CALCOCO2: variants seen among roughly 807,000 people sequenced by gnomAD.
The protein encoded by CALCOCO2 is calcium-binding and coiled-coil domain-containing protein 2.
CALCOCO2 carries 42 observed loss-of-function variants against 62.5 expected under a neutral mutation model. That is an observed-to-expected ratio of 0.67 (90% CI 0.53 to 0.87). CALCOCO2 has a LOEUF of 0.87. Ranked by LOEUF, CALCOCO2 falls within the 40% of genes least tolerant of loss-of-function variation. The pLI is 0.00. For missense variants in CALCOCO2, 456 were observed against 515.0 expected, an observed-to-expected ratio of 0.89 and a Z score of 1.11; for synonymous variants, 167 against 173.0, an observed-to-expected ratio of 0.97 and a Z score of 0.27.
chr17:48,858,046 A>ATATAGAATAGAATAG, intron 10 of CALCOCO2, among the ~76,000 whole-genome samples: 1 of 40,038 alleles, frequency 2.5e-5, no homozygotes, highest in African/African-American at 9.3e-5. Context: ...ATAGAATAGA[A>ATATAGAATAGAATAG]AATAGAATAG....
At chr17:48,838,549 C>G (rs903029331) in intron 1 of CALCOCO2, among the ~76,000 whole-genome samples, 1 of 151,870 alleles carries the variant, frequency 6.6e-6, no homozygotes, top group Non-Finnish European at 1.5e-5. Context: ...CCTGTGTCTA[C>G]TAAAAATTCA....
chr17:48,858,901 C>T (rs1428631847), intron 10 of CALCOCO2, among the ~76,000 whole-genome samples: 1 of 151,430 alleles, frequency 6.6e-6, no homozygotes, highest in Non-Finnish European at 1.5e-5. Flanking sequence ...AAAAAGTAGC[C>T]AGGTGTGGTG....
chr17:48,831,602 G>A (rs1478326961), intron 1 of CALCOCO2: 1 of 152,262 alleles, frequency 6.6e-6, no homozygotes, highest in Non-Finnish European at 1.5e-5. Flanking sequence ...GCAGCTGTCG[G>A]AGAAGACGTT....
intron 9 of CALCOCO2, among the ~76,000 whole-genome samples, chr17:48,855,268 GGAAGTGA>G (rs2040198096): frequency 6.6e-6 from 1 of 152,136 alleles, no homozygotes; most frequent in South Asian, 2.1e-4. Context: ...TGCCTTTTGA[GGAAGTGA>G]AGCAGGACTA....
At chr17:48,852,454 G>C (rs2040147458) in intron 7 of CALCOCO2, 52 bp from the exon 8 acceptor site, 1 of 1,541,178 alleles carries the variant, frequency 6.5e-7, no homozygotes. Flanking sequence ...CATTGTTCCT[G>C]TTTTGTTTTC....
At position 48,845,728 on chromosome 17, in the gene CALCOCO2, C is replaced by CAAA. The variant is rs534937285; in HGVS notation, c.181-2322_181-2320dup. 3.1e-3 allele frequency among the ~76,000 whole-genome samples: 331 copies of CAAA among 107,746 alleles called. 8 individuals are homozygous for CAAA. The highest frequency in any genetic ancestry group is 4.9e-3 in the Non-Finnish European group (266 of 54,200). The allele number at this position is 107,746 out of a possible 152,430, so 70.7% of individuals were successfully genotyped here. ...TGGGCAACAGAGCGAGACTCCATCTCAAAAAAAAAAAAAAAAGAAAAGAAA... is the reference window on the plus strand; with the variant it reads ...TGGGCAACAGAGCGAGACTCCATCTCAAAAAAAAAAAAAAAAAAAGAAAAGAAA... On this transcript the variant is annotated intron_variant, in intron 2 of 12. Coordinates refer to ENST00000258947, the MANE Select transcript of CALCOCO2 (RefSeq NM_005831.5).
intron 1 of CALCOCO2, among the ~76,000 whole-genome samples, chr17:48,836,977 T>C (rs2039902360): frequency 6.6e-6 from 1 of 152,166 alleles, no homozygotes; most frequent in African/African-American, 2.4e-5. Context: ...GCCAGCCTGC[T>C]CTTGAACTCC....
chr17:48,858,143 G>A (rs183360779), intron 10 of CALCOCO2, among the ~76,000 whole-genome samples: 83 of 151,556 alleles, frequency 5.5e-4, no homozygotes, highest in Non-Finnish European at 9.7e-4. Context: ...CTATGCAACA[G>A]ATCTCCAGAA....
chr17:48,843,089 G>T (rs2039997382), intron 2 of CALCOCO2, among the ~76,000 whole-genome samples: 3 of 152,142 alleles, frequency 2.0e-5, no homozygotes. Context: ...TATCCAAAAA[G>T]TTTATTCCTG....
chr17:48,842,602 G>C (rs966930175), intron 2 of CALCOCO2: 1 of 146,260 alleles, frequency 6.8e-6, no homozygotes, highest in Non-Finnish European at 1.5e-5. Context: ...CTTTTCAGTA[G>C]CTGGGACTAC....
At chr17:48,835,744 TC>T (rs775753211) in intron 1 of CALCOCO2, among the ~76,000 whole-genome samples, 16,552 of 151,124 alleles carry the variant, frequency 0.11, 1,715 homozygotes, top group African/African-American at 0.27. Flanking sequence ...TCTTTTCTTT[TC>T]TTTTCTTTTC....
intron 10 of CALCOCO2, among the ~76,000 whole-genome samples, chr17:48,857,455 C>A (rs1299380454): frequency 7.0e-6 from 1 of 143,186 alleles, no homozygotes; most frequent in Non-Finnish European, 1.5e-5. Context: ...CCTTGGCCTC[C>A]CAAAGTGCTG....
intron 10 of CALCOCO2, among the ~76,000 whole-genome samples, chr17:48,858,049 T>TAGAGAATAGAATAGAATAGAATAG: frequency 8.8e-6 from 1 of 113,768 alleles, no homozygotes; most frequent in Middle Eastern, 4.2e-3. Flanking sequence ...GAATAGAAAA[T>TAGAGAATAGAATAGAATAGAATAG]AGAATAGAAT....
chr17:48,849,152 C>A, intron 4 of CALCOCO2, 100 bp from the exon 5 acceptor site: 1 of 1,100,118 alleles, frequency 9.1e-7, no homozygotes, highest in Non-Finnish European at 1.4e-6. Context: ...ATAGGTGTCA[C>A]TGCAGTGAAT....
In CALCOCO2 at chr17:48,853,857, G is replaced by A. The variant is rs12938102; in HGVS notation, c.912+845G>A. On this transcript the variant is annotated intron_variant, in intron 9 of 12. Coordinates refer to ENST00000258947, the MANE Select transcript of CALCOCO2 (RefSeq NM_005831.5). ...CCCACATTCCTGTGCAGCAGCAATA[G>A]CTAGAGCTGAGTAGCTGCTGTCCCT... is the stretch of plus-strand genomic sequence containing the variant. Among the ~76,000 whole-genome samples, 570 of 152,336 alleles carry A rather than the reference G, an allele frequency of 3.7e-3. 2 individuals carry two copies. The highest frequency in any genetic ancestry group is 0.013 in the African/African-American group (529 of 41,578).
At chr17:48,843,852 G>A (rs1276154646) in intron 2 of CALCOCO2, 2 of 152,188 alleles carry the variant, frequency 1.3e-5, no homozygotes, top group East Asian at 3.9e-4. Context: ...TTGAAATGTG[G>A]TTAGTGTGAC....
At chr17:48,841,962 T>C (rs1296083733) in intron 2 of CALCOCO2, 75 bp downstream of exon 2, 1 of 1,069,878 alleles carries the variant, frequency 9.3e-7, no homozygotes, top group Non-Finnish European at 1.4e-6. Context: ...TGACTCTCTG[T>C]GTATTATAAG....
intron 1 of CALCOCO2, chr17:48,831,650 A>G (rs906438716): frequency 6.6e-6 from 1 of 152,216 alleles, no homozygotes; most frequent in South Asian, 2.1e-4. Context: ...ACCTGCCTCT[A>G]CAGTTAATCC....
intron 1 of CALCOCO2, among the ~76,000 whole-genome samples, chr17:48,834,036 G>A (rs540802853): frequency 6.9e-6 from 1 of 144,640 alleles, no homozygotes; most frequent in East Asian, 2.1e-4. Context: ...AGGATTGCTT[G>A]AGCCAGGGAT....
Sources: gnomAD v4.1 joint callset for allele counts (sites outside exome capture counted in the v4.1 genomes callset) on GRCh38, gnomAD v4.1.1 for gene constraint, MANE v1.5 for transcripts, NCBI Gene and HGNC (gene_info 2026-07-23, HGNC 2026-07-21) for gene names.